The following CADPS variants were observed in gnomAD, a reference collection of about 807,000 sequenced individuals.
CADPS encodes calcium dependent secretion activator.
In CADPS, 57 loss-of-function variants were observed where a neutral mutation model predicts 167.3. The ratio of observed to expected loss-of-function variants is 0.34; its 90% CI spans 0.28 to 0.42. The LOEUF is 0.42. CADPS is among the 20% of genes least tolerant of loss of function. The pLI is 1.00. For missense variants in CADPS, 1,414 were observed against 1,738.1 expected (o/e 0.81, Z 3.32); for synonymous variants, 676 against 635.3 (o/e 1.06, Z -0.96).
chr3:62,714,190 G>C (rs1283015446), intron 3 of CADPS, among the ~76,000 whole-genome samples: 1 of 152,160 alleles, frequency 6.6e-6, no homozygotes, highest in African/African-American at 2.4e-5. Context: ...CAAGCAAGCA[G>C]ACAAGCAAGC....
chr3:62,433,252 C>A lies in CADPS; in HGVS notation c.3777+4852G>T, dbSNP rs918771826. Reference sequence around the variant, plus strand: ...GCAAAGGTTTCATGTTTCAAATTACCCTTTTCAAGGGAACTAGTCACACTC... The same window carrying A: ...GCAAAGGTTTCATGTTTCAAATTACACTTTTCAAGGGAACTAGTCACACTC... On this transcript the variant is annotated intron_variant, in intron 28 of 29. Coordinates refer to ENST00000383710, the MANE Select transcript of CADPS (RefSeq NM_003716.4). This position sits in a 1 kb window ranked among gnomAD's most constrained non-coding sequence, Gnocchi z 4.7. Among the ~76,000 whole-genome samples the A allele has an allele frequency of 6.6e-6, 1 of 152,024 alleles. No individual in the cohort carries two copies. Among genetic ancestry groups the A allele is most frequent in the African/African-American group, 2.4e-5 (1 of 41,386 alleles).
In CADPS at chr3:62,831,884, A is replaced by G. The variant is rs532255544; in HGVS notation, c.441+42705T>C. Among the ~76,000 whole-genome samples the G allele has an allele frequency of 5.9e-5, 9 of 152,290 alleles. No individual in the cohort carries two copies. In the South Asian group the frequency reaches 1.9e-3, roughly 32 times the overall value. On this transcript the variant is annotated intron_variant, in intron 1 of 29. Transcript: ENST00000383710. ...ACGCAATGTATTTGAATTCTTGCTC[A>G]TTTGGAACAGGTGAGAAAACAGGGA...
At chr3:62,779,510 C>T (rs1298617613) in intron 1 of CADPS, 4 of 538,416 alleles carry the variant, frequency 7.4e-6, no homozygotes, top group South Asian at 2.8e-5. Flanking sequence ...TGGCTTCAAT[C>T]TTCTTGGCCC....
At chr3:62,740,767 T>C (rs1282753894) in intron 3 of CADPS, among the ~76,000 whole-genome samples, 1 of 152,200 alleles carries the variant, frequency 6.6e-6, no homozygotes, top group East Asian at 1.9e-4. Flanking sequence ...ACTGAGTTCC[T>C]ATCATGTGAT....
At chr3:62,490,795 C>T (rs889717109) in intron 21 of CADPS, among the ~76,000 whole-genome samples, 2 of 152,078 alleles carry the variant, frequency 1.3e-5, no homozygotes, top group Non-Finnish European at 1.5e-5. Context: ...AAACTATGGA[C>T]CTGTTTTGTT....
chr3:62,402,114 G>A (rs1198066738), intron 29 of CADPS, among the ~76,000 whole-genome samples: 2 of 151,566 alleles, frequency 1.3e-5, no homozygotes, highest in African/African-American at 4.8e-5. Flanking sequence ...TGCTTTGTGA[G>A]ATCAAATGCA....
chr3:62,645,096 T>G (rs2068249328), intron 6 of CADPS, among the ~76,000 whole-genome samples: 1 of 152,018 alleles, frequency 6.6e-6, no homozygotes, highest in South Asian at 2.1e-4. Context: ...AGGAAAAAAT[T>G]AGACAAAAAC....
chr3:62,513,060 T>G (rs1215933275), intron 16 of CADPS, among the ~76,000 whole-genome samples: 1 of 152,138 alleles, frequency 6.6e-6, no homozygotes, highest in East Asian at 1.9e-4. Flanking sequence ...AAGTCATATG[T>G]TCTAGGCAAA....
intron 1 of CADPS, among the ~76,000 whole-genome samples, chr3:62,811,614 T>G (rs578033365): frequency 3.3e-5 from 5 of 152,308 alleles, no homozygotes; most frequent in African/African-American, 1.2e-4. Context: ...AGCAGTTACT[T>G]CTCTTCCTTC....
At chr3:62,728,824 G>C (rs979897377) in intron 3 of CADPS, among the ~76,000 whole-genome samples, 8 of 151,810 alleles carry the variant, frequency 5.3e-5, no homozygotes, top group African/African-American at 7.3e-5. Flanking sequence ...CGGAAAACTA[G>C]AAAGAGATGA....
At chr3:62,482,357 A>C (rs1316540828) in intron 21 of CADPS, among the ~76,000 whole-genome samples, 2 of 152,200 alleles carry the variant, frequency 1.3e-5, no homozygotes, top group Non-Finnish European at 2.9e-5. Context: ...ATAGAGTAGG[A>C]AGTTCACCCA....
At chr3:62,475,610 A>C (rs1196628124) in intron 23 of CADPS, among the ~76,000 whole-genome samples, 2 of 150,758 alleles carry the variant, frequency 1.3e-5, no homozygotes, top group African/African-American at 4.9e-5. Flanking sequence ...AAAAAAAAAA[A>C]AACACCTAAA....
intron 1 of CADPS, among the ~76,000 whole-genome samples, chr3:62,782,139 T>C (rs1253598714): frequency 5.3e-5 from 8 of 152,152 alleles, no homozygotes; most frequent in Admixed American, 5.2e-4. Context: ...GAGAAGATAT[T>C]CAAAGGTGGG....
chr3:62,585,989 T>G (rs2084527594), intron 7 of CADPS, among the ~76,000 whole-genome samples: 1 of 152,222 alleles, frequency 6.6e-6, no homozygotes, highest in Non-Finnish European at 1.5e-5. Context: ...AGATGGCAGT[T>G]TGATTTGGGT....
chr3:62,549,754 C>G, intron 11 of CADPS, 149 bp downstream of exon 11: 1 of 646,218 alleles, frequency 1.5e-6, no homozygotes, highest in Non-Finnish European at 2.7e-6. Flanking sequence ...TAACATTTGC[C>G]CCAACTTTCC....
chr3:62,758,220 C>T (rs2084478117), intron 2 of CADPS, among the ~76,000 whole-genome samples: 3 of 152,320 alleles, frequency 2.0e-5, no homozygotes, highest in Non-Finnish European at 2.9e-5. Flanking sequence ...AGGAATCCAG[C>T]CTTTCTTCTT....
intron 3 of CADPS, among the ~76,000 whole-genome samples, chr3:62,747,387 A>G (rs911795547): frequency 3.3e-5 from 5 of 152,204 alleles, no homozygotes; most frequent in African/African-American, 7.2e-5. Flanking sequence ...AAAGCTATGT[A>G]GTTATATGGA....
intron 17 of CADPS, among the ~76,000 whole-genome samples, chr3:62,505,634 C>T (rs1260958658): frequency 6.6e-6 from 1 of 152,192 alleles, no homozygotes; most frequent in African/African-American, 2.4e-5. Context: ...ACTTGTCATG[C>T]TCCTGCTTAA....
chr3:62,438,902 G>A lies in CADPS; in HGVS notation c.3670-691C>T, dbSNP rs1269493994. 2 of 152,158 alleles carry A rather than the reference G, an allele frequency of 1.3e-5. No individual in the cohort carries two copies. The highest frequency in any genetic ancestry group is 2.9e-5 in the Non-Finnish European group (2 of 68,044). The allele number at this position is 152,158 out of a possible 1,614,324, so 9.4% of individuals were successfully genotyped here. ...GAAGAAGAGAAGAAACAAAAGGCAG[G>A]GGAAGGAGGAGAGGATTTGATTTTT... is the stretch of plus-strand genomic sequence containing the variant. On this transcript the variant is annotated intron_variant, in intron 27 of 29. Coordinates refer to ENST00000383710, the MANE Select transcript of CADPS (RefSeq NM_003716.4). The surrounding 1 kb of genome is among the most constrained non-coding windows in gnomAD (Gnocchi z 4.7).
Sources: gnomAD v4.1 joint callset for allele counts (sites outside exome capture counted in the v4.1 genomes callset) on GRCh38, gnomAD v4.1.1 for gene constraint, Gnocchi (gnomAD v3.1) non-coding constraint, MANE v1.5 for transcripts, NCBI Gene and HGNC (gene_info 2026-07-23, HGNC 2026-07-21) for gene names.